POLR1C: variants seen among roughly 807,000 people sequenced by gnomAD.
POLR1C encodes the protein RNA polymerase I and III subunit C, also known as DNA-directed RNA polymerases I and III subunit RPAC1.
Under a neutral mutation model 38.3 loss-of-function variants are expected in POLR1C, and 42 were observed. That is an observed-to-expected ratio of 1.10 (90% CI 0.86 to 1.42). POLR1C has a LOEUF of 1.42. POLR1C is among the 40% of genes most tolerant of loss of function. The pLI, the probability that POLR1C is intolerant of heterozygous loss-of-function variation, is 0.00. For missense variants in POLR1C, 507 were observed against 450.5 expected, an observed-to-expected ratio of 1.13 and a Z score of -1.14; for synonymous variants, 163 against 163.9, an observed-to-expected ratio of 0.99 and a Z score of 0.04.
rs1793175919 is a variant in POLR1C at position 43,521,321 on chromosome 6, A to G, written c.*21A>G. 1 of 1,612,042 alleles carries G rather than the reference A, an allele frequency of 6.2e-7. No homozygotes were observed. The highest frequency in any genetic ancestry group is 8.5e-7 in the Non-Finnish European group (1 of 1,179,930). ...ACTGAGCTTGGATGCTTCTGAGGCA[A>G]GCTGAAGCTTTGGGTTCTGACTGAC... On this transcript the variant is annotated 3_prime_UTR_variant, in exon 9 of 9. Coordinates refer to ENST00000642195, the MANE Select transcript of POLR1C (RefSeq NM_203290.4).
downstream of POLR1C, chr6:43,530,758 A>G: frequency 4.3e-6 from 7 of 1,613,998 alleles, no homozygotes; most frequent in Non-Finnish European, 5.1e-6. Context: ...GAAGCTGGGT[A>G]GCAAGGTCCT....
At chr6:43,558,285 T>A (rs1762219171) in intron 10 of POLR1C, among the ~76,000 whole-genome samples, 1 of 152,120 alleles carries the variant, frequency 6.6e-6, no homozygotes, top group Admixed American at 6.6e-5. Context: ...AACATCAATG[T>A]CTAAGTGCTG....
chr6:43,526,740 G>C, intron 8 of POLR1C: 2 of 1,613,752 alleles, frequency 1.2e-6, no homozygotes, highest in Non-Finnish European at 1.7e-6. Flanking sequence ...TTGAAACACA[G>C]CAAACCGCTA....
chr6:43,517,177 A>G lies in POLR1C; in HGVS notation c.68A>G (p.Asn23Ser), dbSNP rs745593101. Reference sequence around the variant, plus strand: ...GTTCTGGGGGAGTTTGGGGTTCGCAATGTAAGCCTTGTGGCCTTGAGCTCG... The same window carrying G: ...GTTCTGGGGGAGTTTGGGGTTCGCAGTGTAAGCCTTGTGGCCTTGAGCTCG... ...RVVLGEFGVR[N>S]VHTTDFPGNY... Residue 23 changes from asparagine (N) to serine (S), a missense_variant and splice_region_variant, in exon 1 of 9, where the codon AAT becomes AGT. Physicochemically the swap from Asn to Ser is conservative, Grantham distance 46. Transcript: ENST00000642195. 1.1e-5 allele frequency: 18 copies of G among 1,614,044 alleles called. No individual in the cohort carries two copies. Among genetic ancestry groups the G allele is most frequent in the Middle Eastern group, 1.6e-4 (1 of 6,084 alleles).
chr6:43,542,114 T>C (rs1794726471), intron 9 of POLR1C, among the ~76,000 whole-genome samples: 1 of 152,186 alleles, frequency 6.6e-6, no homozygotes, highest in Non-Finnish European at 1.5e-5. Flanking sequence ...ATTTTATACT[T>C]ACAGTTCATC....
In POLR1C at chr6:43,521,253, A is replaced by C. The variant is rs759546887; in HGVS notation, c.994A>C (p.Lys332Gln). 3 of 1,613,076 alleles carry C rather than the reference A, an allele frequency of 1.9e-6. No individual in the cohort carries two copies. In the Admixed American group the frequency reaches 5.0e-5, roughly 27 times the overall value. ...VSEAIKVLMG[K>Q]CRRFLDELDA... is the part of the protein sequence containing the mutation. ...TGAAGCCATCAAAGTACTGATGGGG[A>C]AGTGCCGGCGCTTCTTGGATGAACT... Residue 332 changes from lysine (K) to glutamine (Q), a missense_variant, in exon 9 of 9, where the codon AAG (lysine) becomes CAG (glutamine). Physicochemically the swap from Lys to Gln is moderately conservative, Grantham distance 53. Coordinates refer to ENST00000642195, the MANE Select transcript of POLR1C (RefSeq NM_203290.4).
downstream of POLR1C, chr6:43,525,861 C>T: frequency 1.9e-6 from 3 of 1,613,984 alleles, no homozygotes; most frequent in Non-Finnish European, 2.5e-6. Flanking sequence ...CAGACATTTG[C>T]CCAGGTCTGT....
chr6:43,555,888 C>G (rs1296038578), intron 10 of POLR1C: 1 of 1,613,988 alleles, frequency 6.2e-7, no homozygotes, highest in Non-Finnish European at 8.5e-7. Flanking sequence ...TTAGCCACTC[C>G]CCAGCCATCT....
intron 9 of POLR1C, chr6:43,549,697 G>A (rs1481211497): frequency 8.0e-7 from 1 of 1,256,484 alleles, no homozygotes; most frequent in East Asian, 2.4e-5. Flanking sequence ...ACAACCCTAA[G>A]AGTATAATGG....
At chr6:43,529,953 A>G (rs1277210052), downstream of POLR1C, among the ~76,000 whole-genome samples, 1 of 150,486 alleles carries the variant, frequency 6.6e-6, no homozygotes, top group Non-Finnish European at 1.5e-5. Context: ...CAGAAAAGGG[A>G]TAAAAGTTTT....
rs751274069 is a variant in POLR1C at position 43,520,226 on chromosome 6, T to C, written c.502+41T>C. On this transcript the variant is annotated intron_variant, in intron 5 of 8. Coordinates refer to ENST00000642195, the MANE Select transcript of POLR1C (RefSeq NM_203290.4). ...GTGAGGAAGAGGCCCCACCTGTGGGTAGCTGCTAGTTTTAGGGACTGAGAT... is the reference window on the plus strand; with the variant it reads ...GTGAGGAAGAGGCCCCACCTGTGGGCAGCTGCTAGTTTTAGGGACTGAGAT... The C allele has an allele frequency of 3.8e-5, 62 of 1,613,866 alleles. No homozygotes were observed. The Admixed American group carries it at 5.7e-4, about 15-fold the overall frequency.
chr6:43,545,528 G>A (rs6930820), intron 9 of POLR1C, among the ~76,000 whole-genome samples: 8,279 of 152,058 alleles, frequency 0.054, 326 homozygotes, highest in African/African-American at 0.11. Context: ...CTAACATGGC[G>A]AAGCCCTGTC....
chr6:43,557,541 C>T (rs562578657), intron 10 of POLR1C, among the ~76,000 whole-genome samples: 7 of 151,948 alleles, frequency 4.6e-5, no homozygotes, highest in South Asian at 2.1e-4. Context: ...TTATATGAAA[C>T]GTTCAGAATA....
chr6:43,548,370 C>A (rs200950847), intron 9 of POLR1C: 1 of 1,613,518 alleles, frequency 6.2e-7, no homozygotes, highest in Non-Finnish European at 8.5e-7. Flanking sequence ...AGAACCAGGG[C>A]TTCCATGAGG....
At chr6:43,547,825 G>C in intron 9 of POLR1C, 1 of 758,686 alleles carries the variant, frequency 1.3e-6, no homozygotes, top group Non-Finnish European at 2.2e-6. Flanking sequence ...TATAGTGAGA[G>C]GAGTATAATC....
chr6:43,524,326 T>C, downstream of POLR1C: 1 of 1,160,672 alleles, frequency 8.6e-7, no homozygotes, highest in African/African-American at 1.6e-5. Flanking sequence ...CACTCCAGCC[T>C]GGGCAACAAG....
Position 43,554,560 on chromosome 6 carries a change from G to T in POLR1C, c.*48+3549G>T, listed in dbSNP as rs560957466. Among the ~76,000 whole-genome samples the T allele has an allele frequency of 3.1e-3, 468 of 151,902 alleles. 2 individuals are homozygous for T. The highest frequency in any genetic ancestry group is 0.029 in the South Asian group (141 of 4,800). ...CTGCCTCAGCCTCCTGAGTAGCTAG[G>T]ATTAAAGGGGCCCACCACCACGCCT... On this transcript the variant is annotated intron_variant, in intron 10 of 10. Transcript: ENST00000607635.
At chr6:43,528,794 A>G (rs768205007) in intron 8 of POLR1C, 2 of 1,588,560 alleles carry the variant, frequency 1.3e-6, no homozygotes, top group Non-Finnish European at 8.6e-7. Flanking sequence ...CCTTAATAGT[A>G]CTCTTTGCTT....
downstream of POLR1C, chr6:43,533,486 C>T (rs1794129634): frequency 6.4e-6 from 1 of 157,278 alleles, no homozygotes; most frequent in South Asian, 1.9e-4. Flanking sequence ...CATTTCTGAA[C>T]AAATAGATGG....
Sources: allele counts gnomAD v4.1 joint callset (sites outside exome capture counted in the v4.1 genomes callset), GRCh38; gene constraint gnomAD v4.1.1; transcripts MANE v1.5; gene names NCBI Gene and HGNC (gene_info 2026-07-23, HGNC 2026-07-21).